The following IRF8 variants were observed in gnomAD, a reference collection of about 807,000 sequenced individuals.
IRF8 encodes interferon consensus sequence binding protein 1.
IRF8 carries 14 observed loss-of-function variants against 48.7 expected under a neutral mutation model. The ratio of observed to expected loss-of-function variants is 0.29; its 90% CI spans 0.19 to 0.45. IRF8 has a LOEUF of 0.45. IRF8 is among the 20% of genes least tolerant of loss of function. The probability of loss-of-function intolerance (pLI) is 1.00; values close to 1 mark genes in which losing one functional copy is unlikely to be tolerated. For synonymous variants in IRF8, 278 were observed against 227.3 expected (o/e 1.22, Z -2.01); for missense variants, 493 against 580.7 (o/e 0.85, Z 1.55).
At chr16:85,912,225 G>A (rs1286240439) in intron 4 of IRF8, among the ~76,000 whole-genome samples, 2 of 152,204 alleles carry the variant, frequency 1.3e-5, no homozygotes, top group African/African-American at 4.8e-5. Context: ...GGCCTCCTTA[G>A]GCAAGAATAC....
intron 6 of IRF8, among the ~76,000 whole-genome samples, chr16:85,915,343 C>G (rs1011822733): frequency 1.3e-5 from 2 of 152,206 alleles, no homozygotes; most frequent in African/African-American, 4.8e-5. Context: ...GGCCACAGAA[C>G]GTTAGGGCTG....
intron 1 of IRF8, among the ~76,000 whole-genome samples, chr16:85,899,786 G>A (rs1172607113): frequency 1.3e-5 from 2 of 152,184 alleles, no homozygotes; most frequent in African/African-American, 4.8e-5. Flanking sequence ...CTGTATATGG[G>A]CCACAGCTCA....
intron 1 of IRF8, among the ~76,000 whole-genome samples, chr16:85,900,178 G>C (rs375502380): frequency 6.6e-6 from 1 of 152,158 alleles, no homozygotes; most frequent in East Asian, 1.9e-4. Context: ...CAGAGCGAGT[G>C]CCCTGGGCCC....
chr16:85,912,069 T>G (rs1519976), intron 4 of IRF8, among the ~76,000 whole-genome samples: 71,287 of 152,090 alleles, frequency 0.47, 17,220 homozygotes, highest in African/African-American at 0.57. Flanking sequence ...TGATGGCGGG[T>G]GTTGTTGTAC....
At chr16:85,918,942 G>C (rs1042933682) in intron 7 of IRF8, 139 bp downstream of exon 7, 1 of 1,150,248 alleles carries the variant, frequency 8.7e-7, no homozygotes, top group Admixed American at 1.9e-5. Flanking sequence ...GTGGCAAGGA[G>C]GTGCTCCTTT....
chr16:85,921,063 G>T (rs763684850), intron 8 of IRF8, 43 bp from the exon 9 acceptor site: 23 of 1,573,628 alleles, frequency 1.5e-5, no homozygotes, highest in East Asian at 2.4e-5. Flanking sequence ...ACCCCCTTTG[G>T]AGCCTCCGCC....
intron 6 of IRF8, among the ~76,000 whole-genome samples, chr16:85,916,580 T>G (rs1026643660): frequency 6.6e-6 from 1 of 152,196 alleles, no homozygotes; most frequent in Non-Finnish European, 1.5e-5. Context: ...AAGACACTCC[T>G]GCTTAGGCGT....
intron 3 of IRF8, among the ~76,000 whole-genome samples, chr16:85,911,008 C>A (rs1905125697): frequency 6.6e-6 from 1 of 152,098 alleles, no homozygotes; most frequent in Non-Finnish European, 1.5e-5. Context: ...ACACTGTGCA[C>A]CTTTAGGCGG....
In IRF8 at chr16:85,905,362, G is replaced by T. The variant is rs79991984; in HGVS notation, c.174+2173G>T. On this transcript the variant is annotated intron_variant, in intron 2 of 8. Coordinates refer to ENST00000268638, the MANE Select transcript of IRF8 (RefSeq NM_002163.4). ...ATTCCCTACTTCAACTTGTGCTCGG[G>T]GGGTAATGAAATAAAGCCCCAGATT... is the stretch of plus-strand genomic sequence containing the variant. Among the ~76,000 whole-genome samples, 450 of 152,316 alleles carry T rather than the reference G, an allele frequency of 3.0e-3. 1 individual carries two copies. Among genetic ancestry groups the T allele is most frequent in the African/African-American group, 0.01 (424 of 41,556 alleles).
chr16:85,915,372 G>A (rs1284737559), intron 6 of IRF8, among the ~76,000 whole-genome samples: 1 of 152,234 alleles, frequency 6.6e-6, no homozygotes, highest in Non-Finnish European at 1.5e-5. Flanking sequence ...GGCAGGGGAG[G>A]AAATGGGGCA....
chr16:85,908,880 C>G (rs1905070964), intron 2 of IRF8, 110 bp from the exon 3 acceptor site: 2 of 962,946 alleles, frequency 2.1e-6, no homozygotes, highest in East Asian at 2.4e-5. Context: ...GAGTTGATGG[C>G]CAACAAAGAT....
chr16:85,914,470 C>T lies in IRF8; in HGVS notation c.554-3C>T. 6.2e-7 allele frequency: 1 copy of T among 1,614,134 alleles called. No individual in the cohort carries two copies. Among genetic ancestry groups the T allele is most frequent in the East Asian group, 2.2e-5 (1 of 44,868 alleles). Reference sequence around the variant, plus strand: ...TGAGCTTGCTTTTCTGTTTCTCCTGCAGGCGTGCCGCTGGTGACGGGGTAC... The same window carrying T: ...TGAGCTTGCTTTTCTGTTTCTCCTGTAGGCGTGCCGCTGGTGACGGGGTAC... On this transcript the variant is annotated splice_polypyrimidine_tract_variant and splice_region_variant and intron_variant, in intron 5 of 8. Transcript: ENST00000268638.
chr16:85,904,651 C>T (rs893387336), intron 2 of IRF8, among the ~76,000 whole-genome samples: 4 of 152,082 alleles, frequency 2.6e-5, no homozygotes, highest in African/African-American at 9.7e-5. Context: ...ACGCTTTGCA[C>T]TCACTTTCGA....
At chr16:85,911,686 T>C (rs1165245307) in intron 4 of IRF8, 28 bp downstream of exon 4, 5 of 1,591,910 alleles carry the variant, frequency 3.1e-6, no homozygotes, top group Non-Finnish European at 3.4e-6. Flanking sequence ...TTCAGGGGTC[T>C]GGCCCTGCCA....
chr16:85,920,238 GCT>G lies in IRF8; in HGVS notation c.1104+15_1104+16del, dbSNP rs1905501354. On this transcript the variant is annotated intron_variant, in intron 8 of 8. Transcript: ENST00000268638. ...ATTCTCGTGCAGGTAAGTATGGGCAGCTTTTTTTTTTTTTTTTTTTTTTTTTG... is the reference window on the plus strand; with the variant it reads ...ATTCTCGTGCAGGTAAGTATGGGCAGTTTTTTTTTTTTTTTTTTTTTTTTG... 3 of 893,298 alleles carry G rather than the reference GCT, an allele frequency of 3.4e-6. No individual in the cohort carries two copies. Among genetic ancestry groups the G allele is most frequent in the Non-Finnish European group, 5.2e-6 (3 of 581,584 alleles). 55.3% of individuals were successfully genotyped at this position (893,298 alleles called of 1,614,324 possible).
intron 2 of IRF8, among the ~76,000 whole-genome samples, chr16:85,903,891 G>A (rs957156576): frequency 4.6e-5 from 7 of 152,168 alleles, no homozygotes; most frequent in African/African-American, 1.7e-4. Context: ...CTTGTATGAC[G>A]GAGCCAGCAT....
intron 1 of IRF8, chr16:85,902,660 T>G: frequency 3.0e-6 from 1 of 335,780 alleles, no homozygotes; most frequent in Non-Finnish European, 5.8e-6. Flanking sequence ...ATTCCCCCTC[T>G]CCTTCCAGTC....
intron 4 of IRF8, among the ~76,000 whole-genome samples, chr16:85,912,730 A>G (rs1337670099): frequency 6.6e-6 from 1 of 152,258 alleles, no homozygotes; most frequent in Non-Finnish European, 1.5e-5. Flanking sequence ...GAACATCTGC[A>G]TGTGGCTCGT....
Position 85,899,241 on chromosome 16 carries a change from G to C in IRF8, c.-2+18G>C, listed in dbSNP as rs1446340506. The C allele has an allele frequency of 6.6e-6, 1 of 152,224 alleles. No homozygotes were observed. Among genetic ancestry groups the C allele is most frequent in the African/African-American group, 2.4e-5 (1 of 41,464 alleles). 9.4% of individuals were successfully genotyped at this position (152,224 alleles called of 1,614,324 possible). A position where few individuals can be genotyped will look rare whatever the true frequency, so the allele number is the denominator to read the frequency against. ...GGCGGCAGGTAGGCACAGTGGGCGG[G>C]TAGGGCGCCCGTGTCCCGCGCGGTC... On this transcript the variant is annotated intron_variant, in intron 1 of 8. Transcript: ENST00000268638.
Sources: gnomAD v4.1 joint callset for allele counts (sites outside exome capture counted in the v4.1 genomes callset) on GRCh38, gnomAD v4.1.1 for gene constraint, MANE v1.5 for transcripts, NCBI Gene and HGNC (gene_info 2026-07-23, HGNC 2026-07-21) for gene names.